Variants in CLK4 observed in about 807,000 individuals in gnomAD.
The protein encoded by CLK4 is dual specificity protein kinase CLK4.
Under a neutral mutation model 64.4 loss-of-function variants are expected in CLK4, and 37 were observed. The ratio of observed to expected loss-of-function variants is 0.57; its 90% CI spans 0.44 to 0.76. CLK4 has a LOEUF of 0.76. CLK4 is among the 30% of genes least tolerant of loss of function. The pLI is 0.00. For synonymous variants in CLK4, 175 were observed against 191.6 expected (o/e 0.91, Z 0.72); for missense variants, 457 against 605.1 (o/e 0.76, Z 2.57).
At chr5:178,612,343 C>G in intron 9 of CLK4, 73 bp downstream of exon 9, 1 of 1,348,072 alleles carries the variant, frequency 7.4e-7, no homozygotes, top group Non-Finnish European at 1.0e-6. Context: ...ACTTCCCCAC[C>G]CCACCAGTAA....
intron 9 of CLK4, among the ~76,000 whole-genome samples, chr5:178,609,864 G>A (rs1271332471): frequency 1.3e-5 from 2 of 151,190 alleles, no homozygotes; most frequent in South Asian, 2.1e-4. Flanking sequence ...AGCTGAGATT[G>A]CACCACTGCA....
intron 2 of CLK4, chr5:178,622,499 A>G (rs928310852): frequency 2.3e-6 from 2 of 880,446 alleles, no homozygotes; most frequent in Non-Finnish European, 2.7e-6. Flanking sequence ...AAACAAACGA[A>G]AAAGGGAAAT....
intron 11 of CLK4, chr5:178,604,202 G>C (rs1764426996): frequency 4.3e-6 from 1 of 234,080 alleles, no homozygotes; most frequent in Non-Finnish European, 8.2e-6. Context: ...CCTGGATCCA[G>C]TCCTAAAATT....
chr5:178,609,248 ACATT>A (rs531016630), intron 9 of CLK4, among the ~76,000 whole-genome samples: 1 of 152,276 alleles, frequency 6.6e-6, no homozygotes, highest in Non-Finnish European at 1.5e-5. Flanking sequence ...AATAAAATCT[ACATT>A]CAAAGACATT....
chr5:178,603,959 G>C, intron 11 of CLK4, 25 bp from the exon 12 acceptor site: 5 of 1,503,536 alleles, frequency 3.3e-6, no homozygotes, highest in Non-Finnish European at 4.5e-6. Flanking sequence ...AAAAAGTCTG[G>C]ATTAGTAAAA....
At position 178,603,915 on chromosome 5, in the gene CLK4, G is replaced by A. The variant is rs1764421979; in HGVS notation, c.1234C>T (p.His412Tyr). The change falls in exon 12 of 13, where the codon CAT (histidine) becomes TAT (tyrosine). Residue 412 changes from histidine to tyrosine, a missense_variant. Coordinates refer to ENST00000316308, the MANE Select transcript of CLK4 (RefSeq NM_020666.3). Reference protein sequence around the residue: ...QKTRKRKYFHHNQLDWDEHSS... With the variant: ...QKTRKRKYFHYNQLDWDEHSS... ...TGTTCATCCCAATCTAGCTGGTTAT[G>A]GTGAAAATACTTGCGTTTTCTACAG... The A allele has an allele frequency of 1.2e-6, 2 of 1,605,044 alleles. No homozygotes were observed. The highest frequency in any genetic ancestry group is 1.1e-5 in the South Asian group (1 of 88,846).
rs1382436901 is a variant in CLK4 at position 178,612,464 on chromosome 5, T to C, written c.1003A>G (p.Ser335Gly). The change falls in exon 9 of 13, where the codon AGT (serine) becomes GGT (glycine). Residue 335 changes from serine (S) to glycine (G), a missense_variant. Ser to Gly is a moderately conservative substitution (Grantham distance 56). Transcript: ENST00000316308. The part of the protein sequence containing the change: ...GSATYDDEHH[S>G]TLVSTRHYRA... ...TAGTGCCGGGTAGACACCAAAGTAC[T>C]GTGATGTTCATCATCATACGTTGCA... 2.5e-6 allele frequency: 4 copies of C among 1,613,972 alleles called. No homozygotes were observed. The highest frequency in any genetic ancestry group is 3.4e-6 in the Non-Finnish European group (4 of 1,179,946).
intron 7 of CLK4, 136 bp downstream of exon 7, chr5:178,613,337 C>A (rs555615663): frequency 2.2e-6 from 1 of 451,990 alleles, no homozygotes; most frequent in African/African-American, 2.0e-5. Context: ...AGGAAAATGG[C>A]GTGAACCCGG....
chr5:178,625,588 AT>A (rs1764767958), intron 1 of CLK4, among the ~76,000 whole-genome samples: 1 of 152,160 alleles, frequency 6.6e-6, no homozygotes, highest in African/African-American at 2.4e-5. Flanking sequence ...GAGCGTTATT[AT>A]TATGACCCTC....
intron 9 of CLK4, among the ~76,000 whole-genome samples, chr5:178,611,330 C>T (rs1274340721): frequency 3.9e-5 from 6 of 152,138 alleles, no homozygotes; most frequent in Admixed American, 2.0e-4. Context: ...ACGCAGAAAC[C>T]CTATTATTAC....
At position 178,617,427 on chromosome 5, in the gene CLK4, T is replaced by A. The variant is rs1410869018; in HGVS notation, c.392A>T (p.His131Leu). The A allele has an allele frequency of 6.2e-7, 1 of 1,613,452 alleles. No homozygotes were observed. Among genetic ancestry groups the A allele is most frequent in the Non-Finnish European group, 8.5e-7 (1 of 1,179,620 alleles). Residue 131 changes from histidine to leucine, a missense_variant, in exon 4 of 13, where the codon CAC becomes CTC. Transcript: ENST00000316308. This position sits in a 1 kb window ranked among gnomAD's most constrained non-coding sequence, Gnocchi z 5.2. ...TATACTCCTGGATCTTTTCCTTCGGTGGCTCTTCTGGAACGGCAAGTGGGC... is the reference window on the plus strand; with the variant it reads ...TATACTCCTGGATCTTTTCCTTCGGAGGCTCTTCTGGAACGGCAAGTGGGC... Reference protein sequence around the residue: ...CSSHQSRSKSHRRKRSRSIED... With the variant: ...CSSHQSRSKSLRRKRSRSIED...
In CLK4 at chr5:178,617,608, G is replaced by A. The variant is rs1764643247; in HGVS notation, c.385-174C>T. Reference sequence around the variant, plus strand: ...AAATTCAGTCCCCAGAAATTCACAGGGCACAGTTTATGTTACAGAAGAAAA... The same window carrying A: ...AAATTCAGTCCCCAGAAATTCACAGAGCACAGTTTATGTTACAGAAGAAAA... On this transcript the variant is annotated intron_variant, in intron 3 of 12. Transcript: ENST00000316308. The surrounding 1 kb of genome is among the most constrained non-coding windows in gnomAD (Gnocchi z 5.2). 3 of 665,054 alleles carry A rather than the reference G, an allele frequency of 4.5e-6. No homozygotes were observed. The highest frequency in any genetic ancestry group is 4.0e-5 in the South Asian group (1 of 25,190). 41.2% of individuals were successfully genotyped at this position (665,054 alleles called of 1,614,324 possible). A position where few individuals can be genotyped will look rare whatever the true frequency, so the allele number is the denominator to read the frequency against.
intron 11 of CLK4, chr5:178,604,184 AGGGGCCCCCT>A (rs1764426519): frequency 3.7e-6 from 1 of 267,032 alleles, no homozygotes; most frequent in East Asian, 6.8e-5. Context: ...GCTTAAAACT[AGGGGCCCCCT>A]GGATCCAGTC....
At chr5:178,603,993 T>C in intron 11 of CLK4, 59 bp from the exon 12 acceptor site, 3 of 1,298,182 alleles carry the variant, frequency 2.3e-6, no homozygotes, top group Admixed American at 4.2e-5. Flanking sequence ...ATCTTTACCC[T>C]GCACCCATGA....
At chr5:178,624,945 T>C (rs1293486184) in intron 1 of CLK4, among the ~76,000 whole-genome samples, 1 of 152,154 alleles carries the variant, frequency 6.6e-6, no homozygotes, top group African/African-American at 2.4e-5. Context: ...CTGATTCTAA[T>C]TCTATACCCA....
chr5:178,606,019 T>C (rs560409740), intron 10 of CLK4, among the ~76,000 whole-genome samples: 9 of 152,346 alleles, frequency 5.9e-5, no homozygotes, highest in African/African-American at 2.2e-4. Flanking sequence ...AGAGGCTGTA[T>C]GCAACACTTT....
intron 8 of CLK4, 66 bp downstream of exon 8, chr5:178,612,730 C>T: frequency 9.0e-7 from 1 of 1,107,412 alleles, no homozygotes; most frequent in Non-Finnish European, 1.3e-6. Flanking sequence ...ATTCCTCATC[C>T]AAAGATCATC....
chr5:178,611,136 G>A (rs935144582), intron 9 of CLK4, among the ~76,000 whole-genome samples: 4 of 151,928 alleles, frequency 2.6e-5, no homozygotes, highest in Non-Finnish European at 5.9e-5. Flanking sequence ...ATAGCACACT[G>A]TACGATGCAC....
intron 11 of CLK4, 75 bp from the exon 12 acceptor site, chr5:178,604,009 G>T: frequency 9.2e-7 from 1 of 1,087,478 alleles, no homozygotes; most frequent in Non-Finnish European, 1.3e-6. Context: ...CATGAGGGGA[G>T]ACATGGAAAG....
Sources: gnomAD v4.1 joint callset for allele counts (sites outside exome capture counted in the v4.1 genomes callset) on GRCh38, gnomAD v4.1.1 for gene constraint, Gnocchi (gnomAD v3.1) non-coding constraint, MANE v1.5 for transcripts, NCBI Gene and HGNC (gene_info 2026-07-23, HGNC 2026-07-21) for gene names.